FARP1: variants seen among roughly 807,000 people sequenced by gnomAD.
The protein encoded by FARP1 is FERM, ARH/RhoGEF and pleckstrin domain protein 1, also known as FERM, ARHGEF and pleckstrin domain-containing protein 1.
In FARP1, 52 loss-of-function variants were observed where a neutral mutation model predicts 128.8. The observed-to-expected ratio is 0.40, with a 90% CI of 0.32 to 0.51. FARP1 has a LOEUF of 0.51. FARP1 is among the 20% of genes least tolerant of loss of function. FARP1 has a pLI of 0.45. For missense variants in FARP1, 1,333 were observed against 1,367.9 expected (o/e 0.97, Z 0.40); for synonymous variants, 580 against 551.8 (o/e 1.05, Z -0.72).
At chr13:98,278,327 GTA>G (rs1041184277) in intron 2 of FARP1, among the ~76,000 whole-genome samples, 8 of 151,126 alleles carry the variant, frequency 5.3e-5, no homozygotes, top group South Asian at 2.1e-4. Flanking sequence ...GCAAGTGTGT[GTA>G]TATGTGTGTG....
At chr13:98,292,932 T>C (rs1885514540) in intron 2 of FARP1, among the ~76,000 whole-genome samples, 1 of 151,926 alleles carries the variant, frequency 6.6e-6, no homozygotes, top group South Asian at 2.1e-4. Flanking sequence ...TGCTTTGTTC[T>C]AAGACACTTA....
intron 3 of FARP1, among the ~76,000 whole-genome samples, chr13:98,344,368 C>G (rs923902929): frequency 6.6e-6 from 1 of 151,930 alleles, no homozygotes; most frequent in Non-Finnish European, 1.5e-5. Flanking sequence ...GAATGAATAC[C>G]CCTGTGGAGG....
intron 2 of FARP1, among the ~76,000 whole-genome samples, chr13:98,291,321 G>A (rs1337383958): frequency 6.6e-6 from 1 of 152,098 alleles, no homozygotes; most frequent in Non-Finnish European, 1.5e-5. Context: ...CCTCCTCATC[G>A]TCTTCATGTT....
chr13:98,252,815 C>T (rs1883409245), intron 2 of FARP1, among the ~76,000 whole-genome samples: 1 of 152,206 alleles, frequency 6.6e-6, no homozygotes, highest in Non-Finnish European at 1.5e-5. Context: ...ACATTCAAGT[C>T]AGCGACCCAG....
chr13:98,404,810 A>C (rs1890913059), intron 13 of FARP1: 1 of 152,230 alleles, frequency 6.6e-6, no homozygotes, highest in South Asian at 2.1e-4. Context: ...TTGGAAAAGA[A>C]AAATTGAGAA....
chr13:98,438,718 A>G, intron 19 of FARP1, 86 bp from the exon 20 acceptor site: 1 of 1,092,424 alleles, frequency 9.2e-7, no homozygotes, highest in South Asian at 1.3e-5. Context: ...GGGGCTACAA[A>G]TTTAGCCCTC....
intron 2 of FARP1, among the ~76,000 whole-genome samples, chr13:98,233,391 A>C (rs1214817703): frequency 2.6e-5 from 4 of 151,704 alleles, no homozygotes; most frequent in Non-Finnish European, 1.5e-5. Context: ...AGGCTCCCCC[A>C]CGTGAGAACT....
chr13:98,213,251 A>G lies in FARP1; in HGVS notation c.9A>G (p.Glu3=). ...TCTAAGCCGCTTTCATCATGGGAGA[A>G]ATAGAGCAGAGGCCGACCCCAGGAT... The part of the protein sequence containing the change: MG[E]IEQRPTPGSR... The change falls in exon 2 of 27, where the codon GAA becomes GAG. Residue 3 remains glutamate (E), a synonymous_variant. Coordinates refer to ENST00000319562, the MANE Select transcript of FARP1 (RefSeq NM_005766.4). 6.2e-7 allele frequency: 1 copy of G among 1,612,506 alleles called. No individual in the cohort carries two copies. Among genetic ancestry groups the G allele is most frequent in the Non-Finnish European group, 8.5e-7 (1 of 1,179,654 alleles).
intron 2 of FARP1, among the ~76,000 whole-genome samples, chr13:98,237,497 G>C (rs1882492421): frequency 6.6e-6 from 1 of 152,192 alleles, no homozygotes; most frequent in African/African-American, 2.4e-5. Context: ...CTGTTGCAGT[G>C]AACTCAAGTG....
chr13:98,335,355 A>C (rs1212207927), intron 2 of FARP1, among the ~76,000 whole-genome samples: 2 of 152,230 alleles, frequency 1.3e-5, no homozygotes, highest in Non-Finnish European at 2.9e-5. Context: ...GTCATGTCTT[A>C]CATGGATGGC....
chr13:98,268,420 T>C (rs993612073), intron 2 of FARP1, among the ~76,000 whole-genome samples: 2 of 152,190 alleles, frequency 1.3e-5, no homozygotes, highest in African/African-American at 4.8e-5. Flanking sequence ...CAGAAACCTC[T>C]TCCCACTCCC....
intron 16 of FARP1, among the ~76,000 whole-genome samples, chr13:98,413,164 G>A (rs1391156376): frequency 6.6e-6 from 1 of 152,168 alleles, no homozygotes; most frequent in Non-Finnish European, 1.5e-5. Flanking sequence ...TATACCTGGA[G>A]GATAATTCAT....
chr13:98,443,525 C>G (rs1312213692), intron 24 of FARP1, among the ~76,000 whole-genome samples: 1 of 152,264 alleles, frequency 6.6e-6, no homozygotes, highest in African/African-American at 2.4e-5. Flanking sequence ...ACTCAACAGC[C>G]TCCTCTCCCC....
chr13:98,244,514 C>T (rs1175008928), intron 2 of FARP1: 9 of 1,614,186 alleles, frequency 5.6e-6, no homozygotes, highest in African/African-American at 2.7e-5. Flanking sequence ...CCTCCTTCCT[C>T]AAAGCCACCG....
intron 18 of FARP1, chr13:98,432,275 C>G (rs575612935): frequency 6.6e-6 from 1 of 152,446 alleles, no homozygotes; most frequent in East Asian, 1.9e-4. Flanking sequence ...TGATACTGTA[C>G]CAACGTTCAC....
rs759091326 is a variant in FARP1 at position 98,286,209 on chromosome 13, C to T, written c.172-57553C>T. Among the ~76,000 whole-genome samples, 10 of 152,148 alleles carry T rather than the reference C, an allele frequency of 6.6e-5. 1 individual carries two copies. The highest frequency in any genetic ancestry group is 6.2e-4 in the South Asian group (3 of 4,816). ...GCAGTCACCAGATCTTGTGATCCTG[C>T]GTCTCGTTATCTGCCCCTCTCTCCT... On this transcript the variant is annotated intron_variant, in intron 2 of 26. Coordinates refer to ENST00000319562, the MANE Select transcript of FARP1 (RefSeq NM_005766.4).
intron 1 of FARP1, among the ~76,000 whole-genome samples, chr13:98,178,801 G>T (rs1051129653): frequency 1.3e-5 from 2 of 152,178 alleles, no homozygotes; most frequent in Non-Finnish European, 2.9e-5. Flanking sequence ...AGCTTACAGT[G>T]TAAAGAACAA....
chr13:98,408,202 A>G (rs553901047), intron 13 of FARP1, among the ~76,000 whole-genome samples: 2 of 152,194 alleles, frequency 1.3e-5, no homozygotes, highest in Middle Eastern at 3.4e-3. Context: ...TTAGAAGTAT[A>G]TTCTGAAACA....
rs1178724475 is a variant in FARP1, at chr13:98,330,700, C to T, written c.172-13062C>T. Among the ~76,000 whole-genome samples, 8 of 151,560 alleles carry T rather than the reference C, an allele frequency of 5.3e-5. No homozygotes were observed. In the South Asian group the frequency reaches 6.2e-4, roughly 12 times the overall value. Reference sequence around the variant, plus strand: ...AACCTGGGAGGCGGAGGTTGCAGTGCGCCAAGATCACGCCACTGCACTCCA... The same window carrying T: ...AACCTGGGAGGCGGAGGTTGCAGTGTGCCAAGATCACGCCACTGCACTCCA... On this transcript the variant is annotated intron_variant, in intron 2 of 26. Coordinates refer to ENST00000319562, the MANE Select transcript of FARP1 (RefSeq NM_005766.4).
Sources: gnomAD v4.1 joint callset for allele counts (sites outside exome capture counted in the v4.1 genomes callset) on GRCh38, gnomAD v4.1.1 for gene constraint, MANE v1.5 for transcripts, NCBI Gene and HGNC (gene_info 2026-07-23, HGNC 2026-07-21) for gene names.